BCL2L2: variants seen among roughly 807,000 people sequenced by gnomAD.
BCL2L2 encodes the protein BCL2 like 2.
BCL2L2 carries 6 observed loss-of-function variants against 14.6 expected under a neutral mutation model. The observed-to-expected ratio is 0.41, with a 90% CI of 0.22 to 0.81. The LOEUF is 0.81. Ranked by LOEUF, BCL2L2 falls within the 30% of genes least tolerant of loss-of-function variation. The probability of loss-of-function intolerance (pLI) is 0.32; values close to 1 mark genes in which losing one functional copy is unlikely to be tolerated. For synonymous variants in BCL2L2, 90 were observed against 108.5 expected (o/e 0.83, Z 1.06); for missense variants, 191 against 260.5 (o/e 0.73, Z 1.84).
Position 23,311,224 on chromosome 14 carries a change from G to C in BCL2L2, c.*2259G>C, listed in dbSNP as rs965864297. On this transcript the variant is annotated 3_prime_UTR_variant, in exon 4 of 4. Transcript: ENST00000250405. ...ATTTTGACCTGTCCTGCCCTTCTTA[G>C]CTTGAAGGGAAACCCCAGAGACTCT... 3.0e-5 allele frequency: 37 copies of C among 1,239,904 alleles called. No individual in the cohort carries two copies. Among genetic ancestry groups the C allele is most frequent in the Non-Finnish European group, 3.8e-5 (37 of 971,768 alleles). The allele number at this position is 1,239,904 out of a possible 1,614,324, so 76.8% of individuals were successfully genotyped here.
At position 23,311,461 on chromosome 14, in the gene BCL2L2, T is replaced by C. The variant is rs1887608140; in HGVS notation, c.*2496T>C. 9.6e-7 allele frequency: 1 copy of C among 1,037,760 alleles called. No homozygotes were observed. Among genetic ancestry groups the C allele is most frequent in the Non-Finnish European group, 1.2e-6 (1 of 863,238 alleles). 64.3% of individuals were successfully genotyped at this position (1,037,760 alleles called of 1,614,324 possible). ...GAGCCCAAAGGGACAAATAGGGACT[T>C]TGTTTAGGCCAAGGAAGGAGCGGAA... On this transcript the variant is annotated 3_prime_UTR_variant, in exon 4 of 4. Coordinates refer to ENST00000250405, the MANE Select transcript of BCL2L2 (RefSeq NM_004050.5).
rs938499272 is a variant in BCL2L2, at chr14:23,308,283, T to C, written c.432+84T>C. Reference sequence around the variant, plus strand: ...GAAGATGGGGGCTCTGATTGGAGGCTGAGGCAGCTATGTTGGGAATGAGGT... The same window carrying C: ...GAAGATGGGGGCTCTGATTGGAGGCCGAGGCAGCTATGTTGGGAATGAGGT... On this transcript the variant is annotated intron_variant, in intron 3 of 3. Coordinates refer to ENST00000250405, the MANE Select transcript of BCL2L2 (RefSeq NM_004050.5). This position sits in a 1 kb window ranked among gnomAD's most constrained non-coding sequence, Gnocchi z 5.4. The C allele has an allele frequency of 1.2e-5, 17 of 1,464,252 alleles. No individual in the cohort carries two copies. The highest frequency in any genetic ancestry group is 1.4e-5 in the Non-Finnish European group (16 of 1,112,008). 90.7% of individuals were successfully genotyped at this position (1,464,252 alleles called of 1,614,324 possible).
Position 23,309,422 on chromosome 14 carries a change from T to C in BCL2L2, c.*457T>C, listed in dbSNP as rs571106034. On this transcript the variant is annotated 3_prime_UTR_variant, in exon 4 of 4. Coordinates refer to ENST00000250405, the MANE Select transcript of BCL2L2 (RefSeq NM_004050.5). ...AGGTGGCTGTTAACAGTGGGCTGCTTGGACACGCGTGTGCATGTGCACGCA... is the reference window on the plus strand; with the variant it reads ...AGGTGGCTGTTAACAGTGGGCTGCTCGGACACGCGTGTGCATGTGCACGCA... The C allele has an allele frequency of 2.4e-5, 24 of 990,668 alleles. No homozygotes were observed. In the South Asian group the frequency reaches 9.8e-4, roughly 41 times the overall value. The allele number at this position is 990,668 out of a possible 1,614,324, so 61.4% of individuals were successfully genotyped here. A position where few individuals can be genotyped will look rare whatever the true frequency, so the allele number is the denominator to read the frequency against.
At position 23,309,795 on chromosome 14, in the gene BCL2L2, G is replaced by T. The variant is rs1887497817; in HGVS notation, c.*830G>T. The stretch of plus-strand genomic sequence containing the variant: ...GGGCAGGGCTGTTGAGCCTGGATGG[G>T]TGGAGGCTTAGGTAGCCGGACCTGC... On this transcript the variant is annotated 3_prime_UTR_variant, in exon 4 of 4. Transcript: ENST00000250405. 1.0e-6 allele frequency: 1 copy of T among 985,416 alleles called. No individual in the cohort carries two copies. Among genetic ancestry groups the T allele is most frequent in the Non-Finnish European group, 1.2e-6 (1 of 830,002 alleles). The allele number at this position is 985,416 out of a possible 1,614,324, so 61.0% of individuals were successfully genotyped here. A position where few individuals can be genotyped will look rare whatever the true frequency, so the allele number is the denominator to read the frequency against.
chr14:23,308,435 C>G lies in BCL2L2; in HGVS notation c.432+236C>G, dbSNP rs1887392770. ...CCAAGCAGAGGACAGAATACACACC[C>G]AAGGAGTGCCTGCAGGGGAATGTTG... is the stretch of plus-strand genomic sequence containing the variant. On this transcript the variant is annotated intron_variant, in intron 3 of 3. Coordinates refer to ENST00000250405, the MANE Select transcript of BCL2L2 (RefSeq NM_004050.5). The surrounding 1 kb of genome is among the most constrained non-coding windows in gnomAD (Gnocchi z 5.4). Among the ~76,000 whole-genome samples the G allele has an allele frequency of 6.6e-6, 1 of 152,078 alleles. No homozygotes were observed. The highest frequency in any genetic ancestry group is 1.9e-4 in the East Asian group (1 of 5,186).
rs1374041265 is a variant in BCL2L2, at chr14:23,308,047, G to A, written c.280G>A (p.Gly94Ser). 1.9e-6 allele frequency: 3 copies of A among 1,613,936 alleles called. No individual in the cohort carries two copies. The highest frequency in any genetic ancestry group is 2.5e-6 in the Non-Finnish European group (3 of 1,180,028). ...ACTTTTTCAAGGGGGCCCCAACTGG[G>A]GCCGCCTTGTAGCCTTCTTTGTCTT... ...DELFQGGPNWGRLVAFFVFGA... is the reference protein window; with the variant it reads ...DELFQGGPNWSRLVAFFVFGA... Residue 94 changes from glycine (G) to serine (S), a missense_variant, in exon 3 of 4, where the codon GGC (glycine) becomes AGC (serine). Gly to Ser is a moderately conservative substitution (Grantham distance 56, BLOSUM62 0). Coordinates refer to ENST00000250405, the MANE Select transcript of BCL2L2 (RefSeq NM_004050.5). This position sits in a 1 kb window ranked among gnomAD's most constrained non-coding sequence, Gnocchi z 5.4.
rs1428870476 is a variant in BCL2L2, at chr14:23,309,330, G to A, written c.*365G>A. 9 of 1,045,200 alleles carry A rather than the reference G, an allele frequency of 8.6e-6. No individual in the cohort carries two copies. Among genetic ancestry groups the A allele is most frequent in the Non-Finnish European group, 1.0e-5 (9 of 869,080 alleles). The allele number at this position is 1,045,200 out of a possible 1,614,324, so 64.7% of individuals were successfully genotyped here. A position where few individuals can be genotyped will look rare whatever the true frequency, so the allele number is the denominator to read the frequency against. ...CAGCTGTATTCCATTAGATGAGTGGGATTTAGGGAACGCAGAAGGCACATC... is the reference window on the plus strand; with the variant it reads ...CAGCTGTATTCCATTAGATGAGTGGAATTTAGGGAACGCAGAAGGCACATC... On this transcript the variant is annotated 3_prime_UTR_variant, in exon 4 of 4. Coordinates refer to ENST00000250405, the MANE Select transcript of BCL2L2 (RefSeq NM_004050.5).
chr14:23,309,047 G>A lies in BCL2L2; in HGVS notation c.*82G>A, dbSNP rs1335087692. 2.3e-6 allele frequency: 3 copies of A among 1,298,774 alleles called. No homozygotes were observed. Among genetic ancestry groups the A allele is most frequent in the African/African-American group, 3.0e-5 (2 of 66,118 alleles). The allele number at this position is 1,298,774 out of a possible 1,614,324, so 80.5% of individuals were successfully genotyped here. ...ACAGAGAAATGCCCTTGGAAGAAGT[G>A]GAGTTGGTGGATGGGTGGGCATGGA... On this transcript the variant is annotated 3_prime_UTR_variant, in exon 4 of 4. Coordinates refer to ENST00000250405, the MANE Select transcript of BCL2L2 (RefSeq NM_004050.5).
chr14:23,308,064 C>T lies in BCL2L2; in HGVS notation c.297C>T (p.Phe99=), dbSNP rs376965445. 3.1e-6 allele frequency: 5 copies of T among 1,613,950 alleles called. No individual in the cohort carries two copies. Among genetic ancestry groups the T allele is most frequent in the Non-Finnish European group, 3.4e-6 (4 of 1,180,048 alleles). The change falls in exon 3 of 4, where the codon TTC becomes TTT. Residue 99 remains phenylalanine (F), a synonymous_variant. Transcript: ENST00000250405. The surrounding 1 kb of genome is among the most constrained non-coding windows in gnomAD (Gnocchi z 5.4). The part of the protein sequence containing the change: ...GGPNWGRLVA[F]FVFGAALCAE... The stretch of plus-strand genomic sequence containing the variant: ...CCAACTGGGGCCGCCTTGTAGCCTT[C>T]TTTGTCTTTGGGGCTGCACTGTGTG...
In BCL2L2 at chr14:23,309,205, C is replaced by A; in HGVS notation, c.*240C>A. On this transcript the variant is annotated 3_prime_UTR_variant, in exon 4 of 4. Coordinates refer to ENST00000250405, the MANE Select transcript of BCL2L2 (RefSeq NM_004050.5). ...AGGGGCACAGGAGATGTAGTCGTTC[C>A]AGGGCTGGGGGAGGTGGGAGGGATC... 1.8e-6 allele frequency: 2 copies of A among 1,128,332 alleles called. No homozygotes were observed. The highest frequency in any genetic ancestry group is 2.2e-6 in the Non-Finnish European group (2 of 924,784). 69.9% of individuals were successfully genotyped at this position (1,128,332 alleles called of 1,614,324 possible). A position where few individuals can be genotyped will look rare whatever the true frequency, so the allele number is the denominator to read the frequency against.
At position 23,307,992 on chromosome 14, in the gene BCL2L2, C is replaced by T; in HGVS notation, c.225C>T (p.Ala75=). 1 of 1,614,184 alleles carries T rather than the reference C, an allele frequency of 6.2e-7. No homozygotes were observed. Among genetic ancestry groups the T allele is most frequent in the Non-Finnish European group, 8.5e-7 (1 of 1,180,036 alleles). ...AAQLHVTPGS[A]QQRFTQVSDE... ...AGCTGCATGTGACCCCAGGCTCAGC[C>T]CAACAACGCTTCACCCAGGTCTCCG... The change falls in exon 3 of 4, where the codon GCC becomes GCT. Residue 75 remains alanine, a synonymous_variant. Transcript: ENST00000250405.
rs1281430800 is a variant in BCL2L2 at position 23,307,983 on chromosome 14, A to G, written c.216A>G (p.Pro72=). The change falls in exon 3 of 4, where the codon CCA becomes CCG. Residue 72 remains proline (P), a synonymous_variant. Coordinates refer to ENST00000250405, the MANE Select transcript of BCL2L2 (RefSeq NM_004050.5). ...SDLAAQLHVT[P]GSAQQRFTQV... ...TGGCGGCTCAGCTGCATGTGACCCC[A>G]GGCTCAGCCCAACAACGCTTCACCC... is the stretch of plus-strand genomic sequence containing the variant. 7 of 1,614,152 alleles carry G rather than the reference A, an allele frequency of 4.3e-6. No homozygotes were observed. Among genetic ancestry groups the G allele is most frequent in the Non-Finnish European group, 5.9e-6 (7 of 1,180,024 alleles).
Position 23,308,289 on chromosome 14 carries a change from A to C in BCL2L2, c.432+90A>C. Reference sequence around the variant, plus strand: ...GGGGGCTCTGATTGGAGGCTGAGGCAGCTATGTTGGGAATGAGGTACGGGG... The same window carrying C: ...GGGGGCTCTGATTGGAGGCTGAGGCCGCTATGTTGGGAATGAGGTACGGGG... On this transcript the variant is annotated intron_variant, in intron 3 of 3. Transcript: ENST00000250405. This position sits in a 1 kb window ranked among gnomAD's most constrained non-coding sequence, Gnocchi z 5.4. 6.9e-7 allele frequency: 1 copy of C among 1,456,662 alleles called. No individual in the cohort carries two copies. Among genetic ancestry groups the C allele is most frequent in the Non-Finnish European group, 9.0e-7 (1 of 1,107,904 alleles). 90.2% of individuals were successfully genotyped at this position (1,456,662 alleles called of 1,614,324 possible).
At position 23,309,895 on chromosome 14, in the gene BCL2L2, C is replaced by T. The variant is rs1756955196; in HGVS notation, c.*930C>T. On this transcript the variant is annotated 3_prime_UTR_variant, in exon 4 of 4. Transcript: ENST00000250405. ...AATCTCTGGGACCTCTGTACCCAAA[C>T]TGAAACTCTAAATTGGGGCCCTAAC... 8 of 985,372 alleles carry T rather than the reference C, an allele frequency of 8.1e-6. No individual in the cohort carries two copies. The highest frequency in any genetic ancestry group is 9.4e-5 in the South Asian group (2 of 21,294). The allele number at this position is 985,372 out of a possible 1,614,324, so 61.0% of individuals were successfully genotyped here.
chr14:23,309,199 T>G lies in BCL2L2; in HGVS notation c.*234T>G, dbSNP rs28727519. 2,308 of 1,079,930 alleles carry G rather than the reference T, an allele frequency of 2.1e-3. 40 individuals are homozygous for G. The African/African-American group carries it at 0.035, about 17-fold the overall frequency. The allele number at this position is 1,079,930 out of a possible 1,614,324, so 66.9% of individuals were successfully genotyped here. A position where few individuals can be genotyped will look rare whatever the true frequency, so the allele number is the denominator to read the frequency against. On this transcript the variant is annotated 3_prime_UTR_variant, in exon 4 of 4. Transcript: ENST00000250405. ...AAGTTTAGGGGCACAGGAGATGTAG[T>G]CGTTCCAGGGCTGGGGGAGGTGGGA...
chr14:23,309,779 T>G lies in BCL2L2; in HGVS notation c.*814T>G. 1.0e-6 allele frequency: 1 copy of G among 985,564 alleles called. No individual in the cohort carries two copies. Among genetic ancestry groups the G allele is most frequent in the South Asian group, 4.7e-5 (1 of 21,292 alleles). 61.1% of individuals were successfully genotyped at this position (985,564 alleles called of 1,614,324 possible). On this transcript the variant is annotated 3_prime_UTR_variant, in exon 4 of 4. Transcript: ENST00000250405. ...CTGGGCTCTGATAGAAGGGCAGGGCTGTTGAGCCTGGATGGGTGGAGGCTT... is the reference window on the plus strand; with the variant it reads ...CTGGGCTCTGATAGAAGGGCAGGGCGGTTGAGCCTGGATGGGTGGAGGCTT...
At position 23,311,483 on chromosome 14, in the gene BCL2L2, G is replaced by A. The variant is rs995678396; in HGVS notation, c.*2518G>A. 2.7e-5 allele frequency: 27 copies of A among 1,012,562 alleles called. No homozygotes were observed. The highest frequency in any genetic ancestry group is 1.1e-4 in the East Asian group (1 of 9,008). The allele number at this position is 1,012,562 out of a possible 1,614,324, so 62.7% of individuals were successfully genotyped here. A position where few individuals can be genotyped will look rare whatever the true frequency, so the allele number is the denominator to read the frequency against. ...ACTTTGTTTAGGCCAAGGAAGGAGC[G>A]GAAGTAGGGCAACTCGGTCCTGCGA... On this transcript the variant is annotated 3_prime_UTR_variant, in exon 4 of 4. Transcript: ENST00000250405.
At position 23,309,051 on chromosome 14, in the gene BCL2L2, T is replaced by C; in HGVS notation, c.*86T>C. The C allele has an allele frequency of 7.7e-7, 1 of 1,294,876 alleles. No individual in the cohort carries two copies. The highest frequency in any genetic ancestry group is 9.9e-7 in the Non-Finnish European group (1 of 1,014,250). 80.2% of individuals were successfully genotyped at this position (1,294,876 alleles called of 1,614,324 possible). Reference sequence around the variant, plus strand: ...AGAAATGCCCTTGGAAGAAGTGGAGTTGGTGGATGGGTGGGCATGGAACAG... The same window carrying C: ...AGAAATGCCCTTGGAAGAAGTGGAGCTGGTGGATGGGTGGGCATGGAACAG... On this transcript the variant is annotated 3_prime_UTR_variant, in exon 4 of 4. Coordinates refer to ENST00000250405, the MANE Select transcript of BCL2L2 (RefSeq NM_004050.5).
In BCL2L2 at chr14:23,310,634, T is replaced by C. The variant is rs1402756008; in HGVS notation, c.*1669T>C. 4.4e-6 allele frequency: 5 copies of C among 1,130,016 alleles called. No individual in the cohort carries two copies. Among genetic ancestry groups the C allele is most frequent in the Non-Finnish European group, 5.5e-6 (5 of 915,032 alleles). The allele number at this position is 1,130,016 out of a possible 1,614,324, so 70.0% of individuals were successfully genotyped here. On this transcript the variant is annotated 3_prime_UTR_variant, in exon 4 of 4. Transcript: ENST00000250405. ...CCACTTGGTCTTGTTGTGAGTATGC[T>C]GACACCAGAAACTCAGAGCCAGCTT... is the stretch of plus-strand genomic sequence containing the variant.
Sources: allele counts gnomAD v4.1 joint callset (sites outside exome capture counted in the v4.1 genomes callset), GRCh38; gene constraint gnomAD v4.1.1; non-coding constraint Gnocchi (gnomAD v3.1); transcripts MANE v1.5; gene names NCBI Gene and HGNC (gene_info 2026-07-23, HGNC 2026-07-21).